The following VPS13A variants were observed in gnomAD, a reference collection of about 807,000 sequenced individuals.
VPS13A encodes the protein vacuolar protein sorting 13 homolog A.
A neutral mutation model predicts 390.9 loss-of-function variants in VPS13A; 264 were observed. The observed-to-expected ratio is 0.68, with a 90% CI of 0.61 to 0.75. The LOEUF is 0.75. Ranked by LOEUF, VPS13A falls within the 30% of genes least tolerant of loss-of-function variation. VPS13A has a pLI of 0.00. For missense variants in VPS13A, 3,409 were observed against 3,733.9 expected (o/e 0.91, Z 2.27); for synonymous variants, 1,231 against 1,227.1 (o/e 1.00, Z -0.07).
At chr9:77,287,939 G>C (rs1827427029) in intron 31 of VPS13A, among the ~76,000 whole-genome samples, 1 of 152,182 alleles carries the variant, frequency 6.6e-6, no homozygotes, top group South Asian at 2.1e-4. Context: ...TTATAATTCT[G>C]TGAGTTTTGA....
At chr9:77,274,030 T>C (rs921026824) in intron 24 of VPS13A, among the ~76,000 whole-genome samples, 17 of 152,236 alleles carry the variant, frequency 1.1e-4, no homozygotes, top group African/African-American at 3.6e-4. Context: ...CAATAGCAGA[T>C]ATTTGTATAT....
At chr9:77,324,956 G>A (rs1460972700) in intron 45 of VPS13A, among the ~76,000 whole-genome samples, 1 of 152,076 alleles carries the variant, frequency 6.6e-6, no homozygotes, top group Non-Finnish European at 1.5e-5. Context: ...CACGGGTGGG[G>A]GGCTGGGGCA....
chr9:77,299,741 G>A (rs4373588), intron 33 of VPS13A, among the ~76,000 whole-genome samples: 28,144 of 152,118 alleles, frequency 0.19, 2,788 homozygotes, highest in Middle Eastern at 0.25. Flanking sequence ...ATGCTATGCA[G>A]CCATAAAAAA....
intron 67 of VPS13A, among the ~76,000 whole-genome samples, chr9:77,376,589 G>T (rs1287957462): frequency 6.6e-6 from 1 of 152,206 alleles, no homozygotes. Flanking sequence ...AAGTTTTTAT[G>T]TGTAGTACTG....
At chr9:77,399,402 AGATTT>A (rs1408688151) in intron 68 of VPS13A, among the ~76,000 whole-genome samples, 7 of 151,838 alleles carry the variant, frequency 4.6e-5, no homozygotes, top group African/African-American at 1.5e-4. Flanking sequence ...TGCACAGATT[AGATTT>A]GATTTAAGTT....
intron 1 of VPS13A, among the ~76,000 whole-genome samples, chr9:77,198,369 T>A (rs1486877479): frequency 6.6e-6 from 1 of 152,182 alleles, no homozygotes; most frequent in Non-Finnish European, 1.5e-5. Flanking sequence ...AGTCCTTTAA[T>A]AAGCCCATCA....
chr9:77,349,278 T>G (rs1268994397), intron 52 of VPS13A, among the ~76,000 whole-genome samples: 2 of 152,176 alleles, frequency 1.3e-5, no homozygotes, highest in South Asian at 2.1e-4. Context: ...CATATCAATT[T>G]GCTTCAAAGC....
At chr9:77,386,128 A>G (rs1216372086) in intron 68 of VPS13A, among the ~76,000 whole-genome samples, 7 of 152,338 alleles carry the variant, frequency 4.6e-5, no homozygotes, top group African/African-American at 1.7e-4. Context: ...TAGAATAAGT[A>G]CATACAAATA....
chr9:77,243,156 C>T (rs761390758), intron 19 of VPS13A, among the ~76,000 whole-genome samples: 9 of 152,106 alleles, frequency 5.9e-5, no homozygotes, highest in Non-Finnish European at 1.3e-4. Flanking sequence ...ACATTCTCCT[C>T]TATTAACATC....
chr9:77,353,707 G>A (rs745647184), intron 54 of VPS13A, 66 bp downstream of exon 54: 192 of 1,411,050 alleles, frequency 1.4e-4, no homozygotes, highest in Non-Finnish European at 1.8e-4. Flanking sequence ...AATTGTTATT[G>A]TAAAATCTCA....
chr9:77,343,071 C>T (rs1830927012), intron 50 of VPS13A, among the ~76,000 whole-genome samples: 1 of 152,138 alleles, frequency 6.6e-6, no homozygotes, highest in Non-Finnish European at 1.5e-5. Context: ...ATCTGTGTTC[C>T]AGTTCTCAGC....
At chr9:77,353,820 A>G (rs1831610131) in intron 54 of VPS13A, among the ~76,000 whole-genome samples, 179 bp downstream of exon 54, 1 of 152,128 alleles carries the variant, frequency 6.6e-6, no homozygotes, top group Non-Finnish European at 1.5e-5. Flanking sequence ...AAATAAAGAT[A>G]TGGCAGAAAT....
chr9:77,404,371 A>G (rs569310558), intron 69 of VPS13A, among the ~76,000 whole-genome samples: 1 of 152,328 alleles, frequency 6.6e-6, no homozygotes, highest in Admixed American at 6.5e-5. Flanking sequence ...TTACATGTCA[A>G]CGTATGGACA....
rs1270068809 is a variant in VPS13A, at chr9:77,408,616, C to G, written c.9474+1009C>G. ...CCTAATACTGTGCTTTTCCAACGGTCTTAGCAACCGGCACACCAGGAGATT... is the reference window on the plus strand; with the variant it reads ...CCTAATACTGTGCTTTTCCAACGGTGTTAGCAACCGGCACACCAGGAGATT... On this transcript the variant is annotated intron_variant, in intron 71 of 71. Transcript: ENST00000360280. Among the ~76,000 whole-genome samples, 3 of 152,330 alleles carry G rather than the reference C, an allele frequency of 2.0e-5. No individual in the cohort carries two copies. In the East Asian group the frequency reaches 5.8e-4, roughly 29 times the overall value.
intron 31 of VPS13A, among the ~76,000 whole-genome samples, chr9:77,290,530 C>A (rs1024603606): frequency 1.3e-5 from 2 of 152,068 alleles, no homozygotes; most frequent in Non-Finnish European, 2.9e-5. Context: ...TTCTCCTCCT[C>A]CACTTTTTCC....
chr9:77,348,735 A>G lies in VPS13A; in HGVS notation c.7290-2582A>G, dbSNP rs536503666. Among the ~76,000 whole-genome samples, 11 of 152,240 alleles carry G rather than the reference A, an allele frequency of 7.2e-5. 1 individual carries two copies. The highest frequency in any genetic ancestry group is 2.6e-4 in the African/African-American group (11 of 41,536). Reference sequence around the variant, plus strand: ...ATATGTAGATTGCAGCATTCGTCACATTGTGTTACTTTCTTGTGAGTTTGA... The same window carrying G: ...ATATGTAGATTGCAGCATTCGTCACGTTGTGTTACTTTCTTGTGAGTTTGA... On this transcript the variant is annotated intron_variant, in intron 52 of 71. Coordinates refer to ENST00000360280, the MANE Select transcript of VPS13A (RefSeq NM_033305.3).
chr9:77,358,446 T>C lies in VPS13A; in HGVS notation c.8035+8T>C. On this transcript the variant is annotated splice_region_variant and intron_variant, in intron 57 of 71. Transcript: ENST00000360280. ...CGGTCACCATGGATTCAGGTTTGTT[T>C]TTATTTTTAGATTTCCATAAAAGCA... 1 of 1,608,948 alleles carries C rather than the reference T, an allele frequency of 6.2e-7. No individual in the cohort carries two copies. Among genetic ancestry groups the C allele is most frequent in the Non-Finnish European group, 8.5e-7 (1 of 1,176,124 alleles).
At chr9:77,252,953 A>G (rs1415746549) in intron 22 of VPS13A, among the ~76,000 whole-genome samples, 2 of 152,028 alleles carry the variant, frequency 1.3e-5, no homozygotes, top group African/African-American at 4.8e-5. Context: ...GTGTACAAAT[A>G]TCTGCTTAAG....
chr9:77,249,965 T>C, intron 20 of VPS13A, 132 bp from the exon 21 acceptor site: 6 of 970,826 alleles, frequency 6.2e-6, no homozygotes, highest in Non-Finnish European at 9.2e-6. Context: ...ACCTTTCTAA[T>C]AGCCTTATTA....
Sources: gnomAD v4.1 joint callset for allele counts (sites outside exome capture counted in the v4.1 genomes callset) on GRCh38, gnomAD v4.1.1 for gene constraint, MANE v1.5 for transcripts, NCBI Gene and HGNC (gene_info 2026-07-23, HGNC 2026-07-21) for gene names.